The following CCDC171 variants were observed in gnomAD, a reference collection of about 807,000 sequenced individuals.
The protein encoded by CCDC171 is coiled-coil domain-containing protein 171.
In CCDC171, 177 loss-of-function variants were observed where a neutral mutation model predicts 168.2. The ratio of observed to expected loss-of-function variants is 1.05; its 90% confidence interval spans 0.93 to 1.19. CCDC171 has a LOEUF of 1.19. Ranked by LOEUF, CCDC171 falls within the 50% of genes most tolerant of loss-of-function variation. The pLI, the probability that CCDC171 is intolerant of heterozygous loss-of-function variation, is 0.00. For synonymous variants in CCDC171, 687 were observed against 540.8 expected (o/e 1.27, Z -3.75); for missense variants, 1,991 against 1,539.0 (o/e 1.29, Z -4.91).
chr9:15,691,575 C>G (rs1422236467), intron 10 of CCDC171, among the ~76,000 whole-genome samples: 1 of 44,860 alleles, frequency 2.2e-5, no homozygotes, highest in Non-Finnish European at 4.8e-5. Context: ...TATATATGTA[C>G]ACATAAACTT....
At chr9:15,693,000 G>T (rs1409943943) in intron 10 of CCDC171, among the ~76,000 whole-genome samples, 5 of 151,962 alleles carry the variant, frequency 3.3e-5, no homozygotes, top group Non-Finnish European at 7.4e-5. Flanking sequence ...AGTCGGGTGT[G>T]GTCGTGGGCA....
At chr9:15,721,608 C>CTTGG (rs2053481586) in intron 11 of CCDC171, among the ~76,000 whole-genome samples, 161 bp from the exon 12 acceptor site, 1 of 141,062 alleles carries the variant, frequency 7.1e-6, no homozygotes, top group African/African-American at 2.8e-5. Context: ...AAATTCTATT[C>CTTGG]AAGAATTTTA....
chr9:15,612,482 C>T (rs953652148), intron 6 of CCDC171, among the ~76,000 whole-genome samples: 1 of 151,868 alleles, frequency 6.6e-6, no homozygotes, highest in Non-Finnish European at 1.5e-5. Flanking sequence ...GTTTAGTGGT[C>T]CCCTCTTGGT....
chr9:15,625,570 G>C (rs2045001863), intron 7 of CCDC171, among the ~76,000 whole-genome samples: 1 of 152,164 alleles, frequency 6.6e-6, no homozygotes, highest in African/African-American at 2.4e-5. Flanking sequence ...TTATTAAAGA[G>C]GGAGTCCTTT....
chr9:15,601,027 A>C (rs1322425356), intron 6 of CCDC171, among the ~76,000 whole-genome samples: 1 of 152,148 alleles, frequency 6.6e-6, no homozygotes, highest in Non-Finnish European at 1.5e-5. Context: ...TACAGGTGCC[A>C]TCTGTCACCC....
intron 3 of CCDC171, among the ~76,000 whole-genome samples, chr9:16,014,783 A>G (rs1279462780): frequency 6.6e-6 from 1 of 152,204 alleles, no homozygotes; most frequent in Non-Finnish European, 1.5e-5. Flanking sequence ...AGCAATAGTT[A>G]TCAACAATAG....
At chr9:15,629,027 C>G (rs995629880) in intron 7 of CCDC171, among the ~76,000 whole-genome samples, 10 of 152,176 alleles carry the variant, frequency 6.6e-5, no homozygotes, top group Non-Finnish European at 1.2e-4. Context: ...AAAAACCCTT[C>G]TGTACATCAC....
At chr9:15,978,557 G>A (rs142355532), downstream of CCDC171, among the ~76,000 whole-genome samples, 2 of 152,202 alleles carry the variant, frequency 1.3e-5, no homozygotes, top group Non-Finnish European at 2.9e-5. Flanking sequence ...GTCCAACGTT[G>A]ATTTTCCTGA....
At chr9:15,798,467 T>C (rs978201289) in intron 21 of CCDC171, among the ~76,000 whole-genome samples, 4 of 152,160 alleles carry the variant, frequency 2.6e-5, no homozygotes, top group African/African-American at 9.7e-5. Flanking sequence ...CTGGGATACA[T>C]GTGCAGAACA....
intron 10 of CCDC171, among the ~76,000 whole-genome samples, chr9:15,691,216 GA>G (rs1447100619): frequency 6.6e-6 from 1 of 151,970 alleles, no homozygotes; most frequent in Non-Finnish European, 1.5e-5. Flanking sequence ...CAGTAGGGGG[GA>G]CTGGTTAAGT....
chr9:15,870,647 C>G (rs1045942084), intron 23 of CCDC171, among the ~76,000 whole-genome samples: 5 of 151,496 alleles, frequency 3.3e-5, no homozygotes, highest in Admixed American at 1.3e-4. Flanking sequence ...GCTAGTAAAT[C>G]ATTTCATGAG....
At chr9:15,584,651 G>C (rs58892201) in intron 4 of CCDC171, among the ~76,000 whole-genome samples, 4,317 of 152,182 alleles carry the variant, frequency 0.028, 200 homozygotes, top group African/African-American at 0.099. Flanking sequence ...CTTGCTTTGG[G>C]GAGAAAGAAG....
chr9:15,832,873 C>T (rs978577772), intron 21 of CCDC171, among the ~76,000 whole-genome samples: 2 of 151,378 alleles, frequency 1.3e-5, no homozygotes, highest in Admixed American at 6.6e-5. Context: ...ACGTTTAAAA[C>T]TTTTTTGGCA....
At chr9:15,561,787 G>T (rs1369938563) in intron 1 of CCDC171, among the ~76,000 whole-genome samples, 1 of 151,814 alleles carries the variant, frequency 6.6e-6, no homozygotes. Context: ...TGTTCTCTGT[G>T]TCATCAGGGG....
At chr9:15,585,145 G>A (rs530171711) in intron 4 of CCDC171, among the ~76,000 whole-genome samples, 2 of 152,150 alleles carry the variant, frequency 1.3e-5, no homozygotes, top group African/African-American at 4.8e-5. Context: ...TTGTTAATGG[G>A]AGTGTAAAAT....
chr9:16,058,264 C>A (rs1001101529), intron 1 of CCDC171, among the ~76,000 whole-genome samples: 3 of 151,980 alleles, frequency 2.0e-5, no homozygotes, highest in African/African-American at 7.3e-5. Flanking sequence ...TGACTCAGGC[C>A]CCATTCATCT....
chr9:16,018,010 T>C (rs568279390), intron 3 of CCDC171, among the ~76,000 whole-genome samples: 1 of 152,342 alleles, frequency 6.6e-6, no homozygotes, highest in African/African-American at 2.4e-5. Flanking sequence ...ATCTCATTTC[T>C]GCATTCCAAA....
At chr9:15,669,855 AG>A (rs2048982461) in intron 9 of CCDC171, among the ~76,000 whole-genome samples, 1 of 151,340 alleles carries the variant, frequency 6.6e-6, no homozygotes. Context: ...ATTGTAACTT[AG>A]TAGCATTATT....
At position 15,999,208 on chromosome 9, in the gene CCDC171, T is replaced by TG. The variant is rs1383356602; in HGVS notation, n.369-21380dup. Among the ~76,000 whole-genome samples the TG allele has an allele frequency of 2.9e-5, 4 of 137,366 alleles. No homozygotes were observed. The East Asian group carries it at 8.4e-4, about 29-fold the overall frequency. The allele number at this position is 137,366 out of a possible 152,430, so 90.1% of individuals were successfully genotyped here. ...CCTGGGTGACAGAGAGAGACCCTTTTGAAAAAAAAAGGAAAAGAGGAAGAA... is the reference window on the plus strand; with the variant it reads ...CCTGGGTGACAGAGAGAGACCCTTTTGGAAAAAAAAAGGAAAAGAGGAAGAA... On this transcript the variant is annotated intron_variant and non_coding_transcript_variant, in intron 3 of 9. Transcript: ENST00000486641.
Sources: allele counts gnomAD v4.1 joint callset (sites outside exome capture counted in the v4.1 genomes callset), GRCh38; gene constraint gnomAD v4.1.1; transcripts MANE v1.5; gene names NCBI Gene and HGNC (gene_info 2026-07-23, HGNC 2026-07-21).